The following CTNNA3 variants were observed in gnomAD, a reference collection of about 807,000 sequenced individuals.
CTNNA3 encodes the protein catenin alpha-3.
CTNNA3 carries 76 observed loss-of-function variants against 95.7 expected under a neutral mutation model. That is an observed-to-expected ratio of 0.79 (90% CI 0.66 to 0.96). The LOEUF (loss-of-function observed/expected upper bound fraction) is 0.96. CTNNA3 is among the 40% of genes least tolerant of loss of function. The probability of loss-of-function intolerance (pLI) is 0.00; values close to 1 mark genes in which losing one functional copy is unlikely to be tolerated. For synonymous variants in CTNNA3, 431 were observed against 374.4 expected (o/e 1.15, Z -1.74); for missense variants, 1,191 against 1,089.8 (o/e 1.09, Z -1.31).
chr10:66,756,644 A>C (rs1839370716), intron 9 of CTNNA3, among the ~76,000 whole-genome samples: 1 of 151,954 alleles, frequency 6.6e-6, no homozygotes, highest in African/African-American at 2.4e-5. Context: ...AGCAGAGGAG[A>C]TAAGGGGAAA....
At chr10:66,544,444 A>G (rs975320955) in intron 10 of CTNNA3, among the ~76,000 whole-genome samples, 5 of 152,096 alleles carry the variant, frequency 3.3e-5, no homozygotes, top group Non-Finnish European at 7.4e-5. Flanking sequence ...TTCATTTCCT[A>G]TTACCATCGT....
intron 7 of CTNNA3, among the ~76,000 whole-genome samples, chr10:66,978,065 TATACACAC>T (rs765444874): frequency 0.016 from 683 of 41,778 alleles, 6 homozygotes; most frequent in African/African-American, 0.031. Flanking sequence ...TATATATATA[TATACACAC>T]ACACACACAC....
At chr10:67,391,582 A>G (rs1186787696) in intron 5 of CTNNA3, among the ~76,000 whole-genome samples, 1 of 151,918 alleles carries the variant, frequency 6.6e-6, no homozygotes, top group Non-Finnish European at 1.5e-5. Context: ...ACCAAAAAAG[A>G]GCCCACATCG....
chr10:66,091,532 GA>G (rs946192179), intron 14 of CTNNA3, among the ~76,000 whole-genome samples: 4 of 151,276 alleles, frequency 2.6e-5, no homozygotes, highest in African/African-American at 4.8e-5. Flanking sequence ...TACATCATGG[GA>G]AAAAAAAGAA....
At chr10:67,020,933 C>T (rs1439358226) in intron 7 of CTNNA3, among the ~76,000 whole-genome samples, 5 of 152,108 alleles carry the variant, frequency 3.3e-5, no homozygotes, top group African/African-American at 1.2e-4. Context: ...ACTTACACTA[C>T]CCGGAAGATA....
intron 7 of CTNNA3, among the ~76,000 whole-genome samples, chr10:66,839,853 A>G (rs1056770358): frequency 6.6e-5 from 10 of 152,074 alleles, no homozygotes; most frequent in African/African-American, 2.4e-4. Flanking sequence ...TATACACTTT[A>G]CTCCTTAGTG....
intron 8 of CTNNA3, among the ~76,000 whole-genome samples, chr10:66,767,519 G>C (rs964006088): frequency 6.6e-6 from 1 of 151,482 alleles, no homozygotes; most frequent in Middle Eastern, 3.2e-3. Flanking sequence ...CTATAAATGG[G>C]CCCAAAGGTT....
intron 4 of CTNNA3, among the ~76,000 whole-genome samples, chr10:67,538,157 T>TAAAAAAAAAAAAAAAAAAAAAAAAAAA (rs1176919938): frequency 1.7e-5 from 1 of 59,176 alleles, no homozygotes; most frequent in African/African-American, 7.3e-5. Flanking sequence ...CTACTTAAAC[T>TAAAAAAAAAAAAAAAAAAAAAAAAAAA]AAAAAAAAAA....
At chr10:67,727,558 A>C (rs1589582928) in intron 1 of CTNNA3, among the ~76,000 whole-genome samples, 1 of 129,056 alleles carries the variant, frequency 7.7e-6, no homozygotes, top group African/African-American at 2.8e-5. Flanking sequence ...GATCATATAT[A>C]ATATATAATA....
chr10:65,988,781 T>A lies in CTNNA3; in HGVS notation c.2176A>T (p.Lys726Ter). The change falls in exon 16 of 18, where the codon AAG (lysine) becomes TAG (stop). Residue 726 changes from lysine (K) to a stop codon, truncating the protein, a stop_gained. Coordinates refer to ENST00000433211, the MANE Select transcript of CTNNA3 (RefSeq NM_013266.4). LOFTEE classifies it high-confidence loss of function. ...TDFTRGKGPL[K>*]HTTDVIYAAK... is the part of the protein sequence containing the mutation. The stretch of plus-strand genomic sequence containing the variant: ...GCATAGATCACATCAGTTGTATGCT[T>A]TAGTGGTCCTTTGCCCCTGGAAAAA... 2 of 1,613,276 alleles carry A rather than the reference T, an allele frequency of 1.2e-6. No individual in the cohort carries two copies. The highest frequency in any genetic ancestry group is 1.7e-6 in the Non-Finnish European group (2 of 1,179,466).
At chr10:65,948,546 GT>G (rs113271894) in intron 17 of CTNNA3, among the ~76,000 whole-genome samples, 2 of 150,514 alleles carry the variant, frequency 1.3e-5, no homozygotes, top group Non-Finnish European at 1.5e-5. Flanking sequence ...GGTTGTCAGT[GT>G]TTTTTTTTGT....
At chr10:67,273,743 C>T (rs1839073399) in intron 5 of CTNNA3, among the ~76,000 whole-genome samples, 1 of 152,062 alleles carries the variant, frequency 6.6e-6, no homozygotes, top group South Asian at 2.1e-4. Flanking sequence ...AAGAAACAAA[C>T]TACTGGTATA....
chr10:66,943,515 C>A (rs935758695), intron 7 of CTNNA3, among the ~76,000 whole-genome samples: 1 of 62,926 alleles, frequency 1.6e-5, no homozygotes, highest in Non-Finnish European at 4.5e-5. Flanking sequence ...CCAATTCCCC[C>A]ACCCTTTTTT....
At chr10:67,704,506 G>C (rs1054165513) in intron 1 of CTNNA3, among the ~76,000 whole-genome samples, 35 of 152,298 alleles carry the variant, frequency 2.3e-4, no homozygotes, top group Middle Eastern at 3.4e-3. Flanking sequence ...TGACAAACCT[G>C]AGAAAAACAA....
chr10:66,904,239 CAAA>C (rs1171324398), intron 7 of CTNNA3, among the ~76,000 whole-genome samples: 3 of 152,126 alleles, frequency 2.0e-5, no homozygotes, highest in Non-Finnish European at 4.4e-5. Flanking sequence ...TGATCTTTGA[CAAA>C]CCTAACAAAA....
intron 9 of CTNNA3, among the ~76,000 whole-genome samples, chr10:66,706,080 C>A (rs1438106539): frequency 6.6e-6 from 1 of 151,950 alleles, no homozygotes; most frequent in Non-Finnish European, 1.5e-5. Context: ...TTGTGGTAAA[C>A]CTCTTCAGCC....
At chr10:67,562,922 C>A (rs967526949) in intron 3 of CTNNA3, among the ~76,000 whole-genome samples, 1 of 152,030 alleles carries the variant, frequency 6.6e-6, no homozygotes, top group African/African-American at 2.4e-5. Context: ...CCTAGGAATC[C>A]AACTTACAAG....
chr10:65,914,614 T>C lies in CTNNA3; in HGVS notation c.*5716A>G, dbSNP rs2076984387. ...CTACAATAATCCTTGGCCAACACTC[T>C]GCTGCAATCTATAATTTTAAACACA... On this transcript the variant is annotated 3_prime_UTR_variant, in exon 18 of 18. Coordinates refer to ENST00000433211, the MANE Select transcript of CTNNA3 (RefSeq NM_013266.4). The C allele has an allele frequency of 2.0e-5, 3 of 152,170 alleles. No homozygotes were observed. Among genetic ancestry groups the C allele is most frequent in the Admixed American group, 2.0e-4 (3 of 15,258 alleles). The allele number at this position is 152,170 out of a possible 1,614,324, so 9.4% of individuals were successfully genotyped here. A position where few individuals can be genotyped will look rare whatever the true frequency, so the allele number is the denominator to read the frequency against.
intron 7 of CTNNA3, among the ~76,000 whole-genome samples, chr10:66,798,321 C>T (rs529732012): frequency 6.6e-6 from 1 of 151,658 alleles, no homozygotes; most frequent in Admixed American, 6.6e-5. Flanking sequence ...ATATTTAGAA[C>T]TATTAACCTG....
Sources: allele counts gnomAD v4.1 joint callset (sites outside exome capture counted in the v4.1 genomes callset), GRCh38; gene constraint gnomAD v4.1.1; transcripts MANE v1.5; gene names NCBI Gene and HGNC (gene_info 2026-07-23, HGNC 2026-07-21).